The following HIPK2 variants were observed in gnomAD, a reference collection of about 807,000 sequenced individuals.
HIPK2 encodes homeodomain-interacting protein kinase 2.
HIPK2 carries 27 observed loss-of-function variants against 113.7 expected under a neutral mutation model. The ratio of observed to expected loss-of-function variants is 0.24; its 90% CI spans 0.17 to 0.33. The LOEUF is 0.33. HIPK2 is among the 10% of genes least tolerant of loss of function. The probability of loss-of-function intolerance (pLI) is 1.00; values close to 1 mark genes in which losing one functional copy is unlikely to be tolerated. For synonymous variants in HIPK2, 631 were observed against 642.2 expected, an observed-to-expected ratio of 0.98 and a Z score of 0.26; for missense variants, 1,257 against 1,588.0, an observed-to-expected ratio of 0.79 and a Z score of 3.54.
At chr7:139,599,955 C>T (rs191096640) in intron 11 of HIPK2, among the ~76,000 whole-genome samples, 22 of 152,230 alleles carry the variant, frequency 1.4e-4, no homozygotes, top group Non-Finnish European at 1.2e-4. Flanking sequence ...TGATCACCCT[C>T]GATATCTGAT....
intron 2 of HIPK2, among the ~76,000 whole-genome samples, chr7:139,656,963 C>T (rs1165710952): frequency 3.3e-5 from 5 of 152,036 alleles, no homozygotes; most frequent in Non-Finnish European, 7.4e-5. Flanking sequence ...CTCCACCTCC[C>T]GGATTCAAGT....
intron 2 of HIPK2, among the ~76,000 whole-genome samples, chr7:139,676,355 C>CT (rs1266685874): frequency 1.3e-5 from 2 of 152,206 alleles, no homozygotes; most frequent in Non-Finnish European, 2.9e-5. Context: ...TCTGAGCCTA[C>CT]ACAATAGTCT....
chr7:139,579,542 G>A (rs368175011), intron 13 of HIPK2, among the ~76,000 whole-genome samples: 1 of 152,172 alleles, frequency 6.6e-6, no homozygotes, highest in East Asian at 1.9e-4. Flanking sequence ...AGTCAAAGAG[G>A]AGACGCCTGA....
At chr7:139,633,946 A>G (rs1800712881) in intron 2 of HIPK2, among the ~76,000 whole-genome samples, 1 of 138,252 alleles carries the variant, frequency 7.2e-6, no homozygotes, top group African/African-American at 3.1e-5. Context: ...GTCCGTCGCA[A>G]AAAGAAAAAA....
At chr7:139,773,304 T>C (rs1430091773) in intron 1 of HIPK2, among the ~76,000 whole-genome samples, 1 of 152,198 alleles carries the variant, frequency 6.6e-6, no homozygotes, top group East Asian at 1.9e-4. Context: ...CTGCCTATAC[T>C]GTAGGTTTTT....
intron 1 of HIPK2, among the ~76,000 whole-genome samples, chr7:139,753,751 G>A (rs1487261269): frequency 1.3e-5 from 2 of 152,226 alleles, no homozygotes; most frequent in Non-Finnish European, 2.9e-5. Flanking sequence ...GCGAGGGCAG[G>A]CGTGCATACA....
chr7:139,766,168 C>A (rs1173916351), intron 1 of HIPK2, among the ~76,000 whole-genome samples: 2 of 152,184 alleles, frequency 1.3e-5, no homozygotes, highest in African/African-American at 2.4e-5. Flanking sequence ...GCTGCCTCAC[C>A]TGCCTGTGCC....
intron 1 of HIPK2, among the ~76,000 whole-genome samples, chr7:139,724,214 T>C (rs1301905630): frequency 6.6e-6 from 1 of 152,204 alleles, no homozygotes; most frequent in African/African-American, 2.4e-5. Context: ...CTGAGAACCC[T>C]GGATGACATG....
intron 2 of HIPK2, among the ~76,000 whole-genome samples, chr7:139,642,721 G>A (rs1018829072): frequency 1.3e-5 from 2 of 152,160 alleles, no homozygotes; most frequent in Admixed American, 1.3e-4. Flanking sequence ...AGGCAGACAA[G>A]CAAAAGGAAA....
intron 2 of HIPK2, among the ~76,000 whole-genome samples, chr7:139,656,574 G>C (rs1014939393): frequency 6.6e-6 from 1 of 152,096 alleles, no homozygotes; most frequent in Non-Finnish European, 1.5e-5. Context: ...TTTACAGCCT[G>C]CTGCCTGACT....
At chr7:139,704,518 C>A (rs1794832812) in intron 2 of HIPK2, among the ~76,000 whole-genome samples, 4 of 148,026 alleles carry the variant, frequency 2.7e-5, no homozygotes, top group South Asian at 2.1e-4. Flanking sequence ...ACACACACAC[C>A]CCAACACACC....
At chr7:139,601,422 G>A (rs1260897232) in intron 10 of HIPK2, among the ~76,000 whole-genome samples, 1 of 152,080 alleles carries the variant, frequency 6.6e-6, no homozygotes, top group Admixed American at 6.6e-5. Context: ...AACAAACTTT[G>A]AAGCCTGGGA....
intron 1 of HIPK2, chr7:139,721,934 C>A: frequency 3.4e-6 from 1 of 290,724 alleles, no homozygotes; most frequent in Non-Finnish European, 7.3e-6. Flanking sequence ...GTCAAAATGG[C>A]CACATTTTCA....
intron 2 of HIPK2, among the ~76,000 whole-genome samples, chr7:139,656,303 C>T (rs562971964): frequency 1.3e-5 from 2 of 152,290 alleles, no homozygotes; most frequent in South Asian, 2.1e-4. Flanking sequence ...CCCCACAAAA[C>T]GGGGCTCCTC....
intron 2 of HIPK2, among the ~76,000 whole-genome samples, chr7:139,668,327 C>G (rs1002236964): frequency 6.6e-6 from 1 of 151,870 alleles, no homozygotes; most frequent in African/African-American, 2.4e-5. Context: ...TTTGGGAGGC[C>G]GAGGTGGGTG....
rs1569470222 is a variant in HIPK2 at position 139,670,747 on chromosome 7, C to CTTTTTTTTTTTTTTTTTTTTTTTTTTTT, written c.1104-39023_1104-39022insAAAAAAAAAAAAAAAAAAAAAAAAAAAA. Among the ~76,000 whole-genome samples the CTTTTTTTTTTTTTTTTTTTTTTTTTTTT allele has an allele frequency of 2.7e-5, 2 of 74,800 alleles. 1 individual carries two copies. The allele number at this position is 74,800 out of a possible 152,430, so 49.1% of individuals were successfully genotyped here. ...TTCTTTTTCTTTTCTTTCTTTCTTT[C>CTTTTTTTTTTTTTTTTTTTTTTTTTTTT]TTTCTTTCTTTCTTTTTTTTTTTTT... is the stretch of plus-strand genomic sequence containing the variant. On this transcript the variant is annotated intron_variant, in intron 2 of 14. Transcript: ENST00000406875.
chr7:139,776,471 C>G (rs1463395655), intron 1 of HIPK2, among the ~76,000 whole-genome samples: 1 of 151,638 alleles, frequency 6.6e-6, no homozygotes, highest in East Asian at 1.9e-4. Context: ...TTAATGCCTT[C>G]CCTGTCTCAC....
chr7:139,738,613 A>C (rs745413826), intron 1 of HIPK2, among the ~76,000 whole-genome samples: 1 of 152,180 alleles, frequency 6.6e-6, no homozygotes, highest in African/African-American at 2.4e-5. Flanking sequence ...CACACACAAC[A>C]ACCAAAAGAG....
intron 2 of HIPK2, among the ~76,000 whole-genome samples, chr7:139,638,167 T>C (rs1206647067): frequency 6.6e-6 from 1 of 152,190 alleles, no homozygotes; most frequent in East Asian, 1.9e-4. Flanking sequence ...CACTGCAGCA[T>C]GCGAAATCAC....
Sources: gnomAD v4.1 joint callset for allele counts (sites outside exome capture counted in the v4.1 genomes callset) on GRCh38, gnomAD v4.1.1 for gene constraint, MANE v1.5 for transcripts, NCBI Gene and HGNC (gene_info 2026-07-23, HGNC 2026-07-21) for gene names.